CRTAC1: variants seen among roughly 807,000 people sequenced by gnomAD.
CRTAC1 encodes the protein cartilage acidic protein 1.
Under a neutral mutation model 67.8 loss-of-function variants are expected in CRTAC1, and 37 were observed. That is an observed-to-expected ratio of 0.55 (90% CI 0.42 to 0.72). The LOEUF is 0.72. CRTAC1 is among the 30% of genes least tolerant of loss of function. The pLI is 0.00. For synonymous variants in CRTAC1, 348 were observed against 371.0 expected, an observed-to-expected ratio of 0.94 and a Z score of 0.71; for missense variants, 780 against 931.6, an observed-to-expected ratio of 0.84 and a Z score of 2.12.
rs557127329 is a variant in CRTAC1, at chr10:97,968,762, T to C, written c.225-32396A>G. 8.5e-5 allele frequency among the ~76,000 whole-genome samples: 13 copies of C among 152,300 alleles called. No individual in the cohort carries two copies. In the East Asian group the frequency reaches 2.1e-3, roughly 25 times the overall value. ...TCAACCAGCAGCTCTTCCTTCTTCC[T>C]GAAGCCTTGTCTGAAAAGACCATGA... On this transcript the variant is annotated intron_variant, in intron 2 of 14. Coordinates refer to ENST00000370597, the MANE Select transcript of CRTAC1 (RefSeq NM_018058.7).
intron 2 of CRTAC1, among the ~76,000 whole-genome samples, chr10:97,967,264 C>T (rs1159102580): frequency 6.6e-6 from 1 of 152,126 alleles, no homozygotes; most frequent in Non-Finnish European, 1.5e-5. Flanking sequence ...ATTGCTGCAG[C>T]TTTAGCCATT....
intron 2 of CRTAC1, among the ~76,000 whole-genome samples, chr10:97,974,603 C>T (rs1005680386): frequency 1.3e-5 from 2 of 152,214 alleles, no homozygotes; most frequent in Non-Finnish European, 2.9e-5. Flanking sequence ...TCTCCTCCGA[C>T]TCTCCAGGGC....
chr10:97,985,878 C>T (rs1158837286), intron 2 of CRTAC1, among the ~76,000 whole-genome samples: 1 of 152,134 alleles, frequency 6.6e-6, no homozygotes, highest in Non-Finnish European at 1.5e-5. Context: ...TTGTGAACTG[C>T]CAAGAGCTCT....
chr10:97,962,517 A>G (rs2051542182), intron 2 of CRTAC1, among the ~76,000 whole-genome samples: 1 of 152,164 alleles, frequency 6.6e-6, no homozygotes, highest in South Asian at 2.1e-4. Flanking sequence ...TTCAGTAACA[A>G]CTCGAGTTGT....
At chr10:97,939,836 G>A (rs1321476414) in intron 2 of CRTAC1, among the ~76,000 whole-genome samples, 1 of 152,098 alleles carries the variant, frequency 6.6e-6, no homozygotes, top group Non-Finnish European at 1.5e-5. Context: ...TGCCCCTGCT[G>A]GATGTGACCT....
At chr10:98,008,498 C>T (rs1369816303) in intron 2 of CRTAC1, among the ~76,000 whole-genome samples, 1 of 151,760 alleles carries the variant, frequency 6.6e-6, no homozygotes, top group Non-Finnish European at 1.5e-5. Flanking sequence ...CCATGAGAAG[C>T]AGAGTTGGCT....
intron 3 of CRTAC1, among the ~76,000 whole-genome samples, chr10:97,928,378 T>C (rs2050953983): frequency 1.3e-5 from 2 of 152,136 alleles, no homozygotes; most frequent in Admixed American, 6.5e-5. Flanking sequence ...TTAGAGTCCA[T>C]CCACAACACC....
At chr10:97,962,128 C>T (rs765442475) in intron 2 of CRTAC1, among the ~76,000 whole-genome samples, 1 of 152,096 alleles carries the variant, frequency 6.6e-6, no homozygotes, top group African/African-American at 2.4e-5. Flanking sequence ...CTTCTTCATC[C>T]GGTGCCTGTC....
At chr10:97,907,348 C>T (rs2050626800) in intron 6 of CRTAC1, among the ~76,000 whole-genome samples, 1 of 146,142 alleles carries the variant, frequency 6.8e-6, no homozygotes, top group Non-Finnish European at 1.5e-5. Context: ...CGACGTTCTG[C>T]AGGTAGAGAA....
chr10:98,009,591 G>T (rs796366073), intron 2 of CRTAC1, among the ~76,000 whole-genome samples: 5 of 152,334 alleles, frequency 3.3e-5, no homozygotes, highest in African/African-American at 1.2e-4. Flanking sequence ...AGGGTTTATA[G>T]ATACTAGGTT....
At chr10:97,879,477 T>C (rs1460272083) in intron 14 of CRTAC1, 2 of 196,694 alleles carry the variant, frequency 1.0e-5, no homozygotes, top group African/African-American at 4.7e-5. Context: ...TCAGAAAACA[T>C]GCAAAGAAAG....
chr10:97,868,620 C>T (rs2050054681), intron 14 of CRTAC1: 1 of 152,350 alleles, frequency 6.6e-6, no homozygotes, highest in Non-Finnish European at 1.5e-5. Flanking sequence ...CTGCTGGAAC[C>T]TGGGCCGTGT....
intron 2 of CRTAC1, among the ~76,000 whole-genome samples, chr10:97,940,210 C>T (rs946462713): frequency 6.6e-6 from 1 of 152,224 alleles, no homozygotes; most frequent in African/African-American, 2.4e-5. Flanking sequence ...CTTATTAACA[C>T]CCCATTTCAC....
intron 11 of CRTAC1, among the ~76,000 whole-genome samples, chr10:97,891,841 T>G (rs1254038229): frequency 2.6e-5 from 4 of 152,200 alleles, no homozygotes; most frequent in African/African-American, 9.7e-5. Flanking sequence ...GGGATGGAAC[T>G]GCCCCGCCTC....
chr10:97,898,563 G>A (rs190877633), intron 8 of CRTAC1, among the ~76,000 whole-genome samples: 10 of 152,360 alleles, frequency 6.6e-5, no homozygotes, highest in Admixed American at 6.5e-4. Context: ...TGACAAGGCT[G>A]GAGACGCAGC....
intron 2 of CRTAC1, among the ~76,000 whole-genome samples, chr10:97,936,723 G>C (rs968529828): frequency 6.6e-6 from 1 of 152,212 alleles, no homozygotes; most frequent in Non-Finnish European, 1.5e-5. Flanking sequence ...AATGCAAAAG[G>C]CACTTTCACA....
intron 2 of CRTAC1, among the ~76,000 whole-genome samples, chr10:97,957,162 G>A (rs950435969): frequency 1.3e-5 from 2 of 152,054 alleles, no homozygotes; most frequent in East Asian, 3.9e-4. Context: ...GGAGGAGTGG[G>A]CGATGCTTTA....
intron 5 of CRTAC1, among the ~76,000 whole-genome samples, chr10:97,913,670 G>A (rs902005522): frequency 6.6e-6 from 1 of 152,160 alleles, no homozygotes; most frequent in African/African-American, 2.4e-5. Context: ...CCTGGGCTTT[G>A]GGTACCCCTA....
Position 97,884,216 on chromosome 10 carries a change from G to A in CRTAC1, c.1622C>T (p.Ala541Val). 6.4e-7 allele frequency: 1 copy of A among 1,568,060 alleles called. No individual in the cohort carries two copies. The highest frequency in any genetic ancestry group is 1.4e-5 in the African/African-American group (1 of 73,922). Residue 541 changes from alanine (A) to valine (V), a missense_variant, in exon 12 of 15, where the codon GCC (alanine) becomes GTC (valine). By Grantham distance (64) the Ala-to-Val change is moderately conservative. Transcript: ENST00000370597. ...GATGCCTTTGCCCACCTCCAGTGGG[G>A]CTGGGTCCTGAAGTGTGTCCTCATC... The part of the protein sequence containing the change: ...PRDEDTLQDP[A>V]PLECGQGFSQ...
Sources: allele counts gnomAD v4.1 joint callset (sites outside exome capture counted in the v4.1 genomes callset), GRCh38; gene constraint gnomAD v4.1.1; transcripts MANE v1.5; gene names NCBI Gene and HGNC (gene_info 2026-07-23, HGNC 2026-07-21).